ZNF493: variants seen among roughly 807,000 people sequenced by gnomAD.
ZNF493 encodes the protein zinc finger protein 493.
ZNF493 carries 11 observed loss-of-function variants against 12.2 expected under a neutral mutation model. That is an observed-to-expected ratio of 0.90 (90% CI 0.57 to 1.50). ZNF493 has a LOEUF of 1.50. Among genes scored for constraint, ZNF493 ranks in the 40% most tolerant of loss-of-function variants. ZNF493 has a pLI of 0.00. For missense variants in ZNF493, 950 were observed against 906.6 expected, an observed-to-expected ratio of 1.05 and a Z score of -0.61; for synonymous variants, 286 against 302.6, an observed-to-expected ratio of 0.95 and a Z score of 0.57.
chr19:21,409,387 C>G (rs1313343608), intron 3 of ZNF493, among the ~76,000 whole-genome samples: 1 of 149,344 alleles, frequency 6.7e-6, no homozygotes, highest in Non-Finnish European at 1.5e-5. Flanking sequence ...TTCAGTTTTT[C>G]TGTTAGAAAA....
rs750881404 is a variant in ZNF493, at chr19:21,423,293, T to C, written c.634T>C (p.Cys212Arg). Reference protein sequence around the residue: ...RIHIRENSYRCEECGKAFIWF... With the variant: ...RIHIRENSYRREECGKAFIWF... ...TCATATTAGAGAGAATTCTTACCGATGTGAAGAATGTGGCAAAGCCTTTAT... is the reference window on the plus strand; with the variant it reads ...TCATATTAGAGAGAATTCTTACCGACGTGAAGAATGTGGCAAAGCCTTTAT... The change falls in exon 4 of 4, where the codon TGT becomes CGT. Residue 212 changes from cysteine (C) to arginine (R), a missense_variant. Cys to Arg is a radical substitution (Grantham distance 180). Coordinates refer to ENST00000392288, the MANE Select transcript of ZNF493 (RefSeq NM_001076678.3). 8 of 1,613,882 alleles carry C rather than the reference T, an allele frequency of 5.0e-6. No individual in the cohort carries two copies. The highest frequency in any genetic ancestry group is 5.9e-6 in the Non-Finnish European group (7 of 1,179,860).
At chr19:21,420,534 T>G (rs1347254359) in intron 3 of ZNF493, among the ~76,000 whole-genome samples, 1 of 10,442 alleles carries the variant, frequency 9.6e-5, no homozygotes, top group Admixed American at 6.5e-4. Flanking sequence ...ATTTTTGAAG[T>G]TTTTTTTTCT....
rs72620582 is a variant in ZNF493, at chr19:21,425,356, A to G, written c.*372A>G. 988 of 414,492 alleles carry G rather than the reference A, an allele frequency of 2.4e-3. 51 individuals carry two copies. The East Asian group carries it at 0.049, about 20-fold the overall frequency. 25.7% of individuals were successfully genotyped at this position (414,492 alleles called of 1,614,324 possible). A position where few individuals can be genotyped will look rare whatever the true frequency, so the allele number is the denominator to read the frequency against. ...ATTCATACTGGAAGGAAACCCTACA[A>G]ATATGAGGAATGTCTCAAAGCTTTT... is the stretch of plus-strand genomic sequence containing the variant. On this transcript the variant is annotated 3_prime_UTR_variant, in exon 4 of 4. Coordinates refer to ENST00000392288, the MANE Select transcript of ZNF493 (RefSeq NM_001076678.3).
At chr19:21,411,346 GT>G (rs2030319166) in intron 3 of ZNF493, among the ~76,000 whole-genome samples, 1 of 151,996 alleles carries the variant, frequency 6.6e-6, no homozygotes, top group Admixed American at 6.6e-5. Flanking sequence ...CTTTTAATGT[GT>G]TTTGAAATCA....
Position 21,426,062 on chromosome 19 carries a change from C to A in ZNF493, c.*1078C>A. 5.2e-6 allele frequency: 2 copies of A among 388,036 alleles called. No homozygotes were observed. Among genetic ancestry groups the A allele is most frequent in the Non-Finnish European group, 1.0e-5 (2 of 193,382 alleles). 24.0% of individuals were successfully genotyped at this position (388,036 alleles called of 1,614,324 possible). A position where few individuals can be genotyped will look rare whatever the true frequency, so the allele number is the denominator to read the frequency against. ...CAAAGGCTTTAACTAGTCCTCAGTT[C>A]TTAACACACATACGATAATTCTTAC... On this transcript the variant is annotated 3_prime_UTR_variant, in exon 4 of 4. Transcript: ENST00000392288.
chr19:21,424,562 G>A lies in ZNF493; in HGVS notation c.1903G>A (p.Gly635Ser), dbSNP rs2030797021. ...GEKPYKCEECGKAFKRSSHLA... is the reference protein window; with the variant it reads ...GEKPYKCEECSKAFKRSSHLA... ...AAAACCCTACAAATGTGAAGAATGTGGCAAAGCTTTTAAGCGGTCCTCACA... is the reference window on the plus strand; with the variant it reads ...AAAACCCTACAAATGTGAAGAATGTAGCAAAGCTTTTAAGCGGTCCTCACA... The change falls in exon 4 of 4, where the codon GGC (glycine) becomes AGC (serine). Residue 635 changes from glycine (G) to serine (S), a missense_variant. Physicochemically the swap from Gly to Ser is moderately conservative, Grantham distance 56. Coordinates refer to ENST00000392288, the MANE Select transcript of ZNF493 (RefSeq NM_001076678.3). 16 of 1,610,290 alleles carry A rather than the reference G, an allele frequency of 9.9e-6. No individual in the cohort carries two copies. The highest frequency in any genetic ancestry group is 1.4e-5 in the Non-Finnish European group (16 of 1,178,768).
intron 3 of ZNF493, among the ~76,000 whole-genome samples, chr19:21,417,617 C>T (rs1373839191): frequency 6.6e-6 from 1 of 152,146 alleles, no homozygotes; most frequent in Non-Finnish European, 1.5e-5. Context: ...GTGGTCTTTT[C>T]CCAAGCTGTA....
intron 3 of ZNF493, among the ~76,000 whole-genome samples, chr19:21,415,972 C>T (rs970078739): frequency 3.3e-5 from 5 of 152,176 alleles, no homozygotes; most frequent in African/African-American, 1.2e-4. Context: ...CTCCATTTAC[C>T]TGATTTTTTC....
chr19:21,401,924 C>T (rs62110416), intron 1 of ZNF493, among the ~76,000 whole-genome samples: 21,365 of 151,406 alleles, frequency 0.14, 1,968 homozygotes, highest in Non-Finnish European at 0.21. Flanking sequence ...GCCACCATGC[C>T]CGGTCAGCTA....
chr19:21,408,945 A>T lies in ZNF493; in HGVS notation c.253+3089A>T, dbSNP rs536368192. 5.3e-5 allele frequency: 26 copies of T among 494,792 alleles called. No individual in the cohort carries two copies. The South Asian group carries it at 2.2e-3, about 41-fold the overall frequency. The allele number at this position is 494,792 out of a possible 1,614,324, so 30.7% of individuals were successfully genotyped here. ...TCGCCCAGGCTGGAGTGTGCAGTGG[A>T]ACAATCTCGGCTCACTGCAACCTCC... is the stretch of plus-strand genomic sequence containing the variant. On this transcript the variant is annotated intron_variant, in intron 3 of 3. Coordinates refer to ENST00000392288, the MANE Select transcript of ZNF493 (RefSeq NM_001076678.3).
intron 3 of ZNF493, among the ~76,000 whole-genome samples, chr19:21,419,218 ACT>A (rs2030583339): frequency 6.6e-6 from 1 of 151,040 alleles, no homozygotes; most frequent in Non-Finnish European, 1.5e-5. Context: ...TTCTGTGTTG[ACT>A]CTGGGTGGTG....
rs182647895 is a variant in ZNF493, at chr19:21,426,821, C to T, written c.*1837C>T. The T allele has an allele frequency of 5.4e-5, 9 of 166,778 alleles. No homozygotes were observed. Among genetic ancestry groups the T allele is most frequent in the Admixed American group, 3.9e-4 (6 of 15,256 alleles). The allele number at this position is 166,778 out of a possible 1,614,324, so 10.3% of individuals were successfully genotyped here. On this transcript the variant is annotated 3_prime_UTR_variant, in exon 4 of 4. Transcript: ENST00000392288. ...AGAAATATATGAGGAAGCGACACTT[C>T]GAATATTCTACTAAATGAGAGTTCT...
At chr19:21,404,403 A>G (rs1281857979) in intron 1 of ZNF493, among the ~76,000 whole-genome samples, 1 of 152,224 alleles carries the variant, frequency 6.6e-6, no homozygotes, top group African/African-American at 2.4e-5. Flanking sequence ...AGCTCTCTGA[A>G]ATATTTATTT....
intron 3 of ZNF493, among the ~76,000 whole-genome samples, chr19:21,418,859 G>A (rs565130384): frequency 8.5e-5 from 13 of 152,086 alleles, no homozygotes; most frequent in Non-Finnish European, 1.8e-4. Context: ...TTTCCTTCCT[G>A]GGTGGGCCAG....
chr19:21,408,370 TCCAC>T, intron 3 of ZNF493: 1 of 900,300 alleles, frequency 1.1e-6, no homozygotes, highest in Non-Finnish European at 1.3e-6. Context: ...CCTCAGGTGA[TCCAC>T]CCGCCTTGGC....
rs539117616 is a variant in ZNF493, at chr19:21,422,902, A to C, written c.254-11A>C. On this transcript the variant is annotated splice_polypyrimidine_tract_variant and intron_variant, in intron 3 of 3. Coordinates refer to ENST00000392288, the MANE Select transcript of ZNF493 (RefSeq NM_001076678.3). ...GTAAGTGGAGTAATTTGATATTTTT[A>C]TTTCTTTCAGTTATATGTTCTCATT... is the stretch of plus-strand genomic sequence containing the variant. 8.5e-6 allele frequency: 13 copies of C among 1,527,042 alleles called. No homozygotes were observed. The highest frequency in any genetic ancestry group is 1.4e-5 in the African/African-American group (1 of 71,914). The allele number at this position is 1,527,042 out of a possible 1,614,324, so 94.6% of individuals were successfully genotyped here. A position where few individuals can be genotyped will look rare whatever the true frequency, so the allele number is the denominator to read the frequency against.
rs139042507 is a variant in ZNF493 at position 21,425,023 on chromosome 19, C to G, written c.*39C>G. 3.5e-5 allele frequency: 55 copies of G among 1,565,084 alleles called. No individual in the cohort carries two copies. The highest frequency in any genetic ancestry group is 4.2e-5 in the Non-Finnish European group (49 of 1,159,050). On this transcript the variant is annotated 3_prime_UTR_variant, in exon 4 of 4. Transcript: ENST00000392288. Reference sequence around the variant, plus strand: ...GGCCTTTACTGCTCCTATTCCCTTACTAAAGAATGTGGCAAAGCTTTTCAC... The same window carrying G: ...GGCCTTTACTGCTCCTATTCCCTTAGTAAAGAATGTGGCAAAGCTTTTCAC...
chr19:21,417,087 A>T (rs374389203), intron 3 of ZNF493, among the ~76,000 whole-genome samples: 13 of 152,192 alleles, frequency 8.5e-5, no homozygotes, highest in African/African-American at 2.7e-4. Context: ...CAGGCCCCTC[A>T]TGGCATTTCC....
intron 3 of ZNF493, chr19:21,414,124 A>T (rs542454404): frequency 1.3e-5 from 2 of 152,368 alleles, no homozygotes; most frequent in East Asian, 3.9e-4. Context: ...GCAAAAGGTG[A>T]TGTTTAACTA....
Sources: gnomAD v4.1 joint callset for allele counts (sites outside exome capture counted in the v4.1 genomes callset) on GRCh38, gnomAD v4.1.1 for gene constraint, MANE v1.5 for transcripts, NCBI Gene and HGNC (gene_info 2026-07-23, HGNC 2026-07-21) for gene names.